HSD17B12: variants seen among roughly 807,000 people sequenced by gnomAD.
HSD17B12 encodes hydroxysteroid 17-beta dehydrogenase 12, also known as very-long-chain 3-oxoacyl-CoA reductase.
In HSD17B12, 32 loss-of-function variants were observed where a neutral mutation model predicts 39.3. That is an observed-to-expected ratio of 0.81 (90% CI 0.61 to 1.09). The LOEUF (loss-of-function observed/expected upper bound fraction) is 1.09, where lower values mean the gene tolerates loss of function less well. Ranked by LOEUF, HSD17B12 falls within the 50% of genes least tolerant of loss-of-function variation. The probability of loss-of-function intolerance (pLI) is 0.00; values close to 1 mark genes in which losing one functional copy is unlikely to be tolerated. For missense variants in HSD17B12, 342 were observed against 382.9 expected, an observed-to-expected ratio of 0.89 and a Z score of 0.89; for synonymous variants, 150 against 146.7, an observed-to-expected ratio of 1.02 and a Z score of -0.16.
At chr11:43,668,633 T>C in the HSD17B12 span, among the ~76,000 whole-genome samples, 2 of 152,084 alleles carry the variant, frequency 1.3e-5, no homozygotes, top group East Asian at 1.9e-4. Flanking sequence ...ATAAATACTG[T>C]AAGAGAGTGT....
intron 6 of HSD17B12, 122 bp from the exon 7 acceptor site, chr11:43,830,854 G>A: frequency 1.4e-6 from 1 of 730,432 alleles, no homozygotes; most frequent in Non-Finnish European, 2.3e-6. Flanking sequence ...ATAACCTGCT[G>A]TCTGTAGAAG....
chr11:43,600,332 T>A, the HSD17B12 span, among the ~76,000 whole-genome samples: 1 of 152,022 alleles, frequency 6.6e-6, no homozygotes, highest in Non-Finnish European at 1.5e-5. Context: ...TTTTTTTTCC[T>A]GAAACAGCCC....
chr11:43,588,085 C>A, the HSD17B12 span, among the ~76,000 whole-genome samples: 10 of 152,298 alleles, frequency 6.6e-5, no homozygotes, highest in East Asian at 1.7e-3. Context: ...TCTTTCTGAG[C>A]ATTTTTCTTC....
At chr11:43,632,525 T>A in the HSD17B12 span, among the ~76,000 whole-genome samples, 1 of 152,230 alleles carries the variant, frequency 6.6e-6, no homozygotes, top group Admixed American at 6.5e-5. Context: ...TTCCTACTTA[T>A]GTATTTGCCA....
chr11:43,716,842 C>A (rs1418867943), intron 1 of HSD17B12, among the ~76,000 whole-genome samples: 3 of 150,562 alleles, frequency 2.0e-5, no homozygotes, highest in African/African-American at 7.3e-5. Flanking sequence ...CAGGAGTTTC[C>A]CAGGTGAAGG....
intron 1 of HSD17B12, among the ~76,000 whole-genome samples, chr11:43,694,619 T>C (rs564868293): frequency 1.3e-4 from 19 of 151,836 alleles, no homozygotes; most frequent in Non-Finnish European, 2.1e-4. Flanking sequence ...GCCCCGGAGA[T>C]TGAGGGTGCA....
At chr11:43,698,149 CTTA>C (rs1949929323) in intron 1 of HSD17B12, among the ~76,000 whole-genome samples, 1 of 152,058 alleles carries the variant, frequency 6.6e-6, no homozygotes, top group African/African-American at 2.4e-5. Flanking sequence ...TTGTCATAAA[CTTA>C]TGATTGTGGG....
intron 8 of HSD17B12, among the ~76,000 whole-genome samples, 190 bp from the exon 9 acceptor site, chr11:43,839,809 A>T (rs956934497): frequency 3.9e-5 from 6 of 152,104 alleles, no homozygotes; most frequent in Non-Finnish European, 7.4e-5. Context: ...ATAATACTTC[A>T]TTTAGTGGCA....
Position 43,680,962 on chromosome 11 carries a change from C to A in HSD17B12, c.135C>A (p.Val45=). The change falls in exon 1 of 11, where the codon GTC becomes GTA. Residue 45 remains valine (V), a synonymous_variant. Transcript: ENST00000278353. The part of the protein sequence containing the change: ...RVWGVGNEAG[V]GPGLGEWAVV... ...GGGGAGTGGGGAATGAGGCGGGGGTCGGCCCGGGGCTCGGAGAATGGGCAG... is the reference window on the plus strand; with the variant it reads ...GGGGAGTGGGGAATGAGGCGGGGGTAGGCCCGGGGCTCGGAGAATGGGCAG... 6.2e-7 allele frequency: 1 copy of A among 1,606,592 alleles called. No individual in the cohort carries two copies. Among genetic ancestry groups the A allele is most frequent in the Non-Finnish European group, 8.5e-7 (1 of 1,175,116 alleles).
rs1565097543 is a variant in HSD17B12, at chr11:43,810,397, ATATAT to A, written c.392-5039_392-5035del. ...TATATATATATATATATATATATATATATATAAAATTCAGAATTATTCCGTGGATT... is the reference window on the plus strand; with the variant it reads ...TATATATATATATATATATATATATAAAAATTCAGAATTATTCCGTGGATT... On this transcript the variant is annotated intron_variant, in intron 4 of 10. Coordinates refer to ENST00000278353, the MANE Select transcript of HSD17B12 (RefSeq NM_016142.3). Among the ~76,000 whole-genome samples the A allele has an allele frequency of 5.2e-3, 416 of 80,488 alleles. 7 individuals are homozygous for A. The highest frequency in any genetic ancestry group is 0.021 in the African/African-American group (372 of 17,360). The allele number at this position is 80,488 out of a possible 152,430, so 52.8% of individuals were successfully genotyped here. A position where few individuals can be genotyped will look rare whatever the true frequency, so the allele number is the denominator to read the frequency against.
At chr11:43,798,100 T>G (rs1318575627) in intron 3 of HSD17B12, among the ~76,000 whole-genome samples, 1 of 152,230 alleles carries the variant, frequency 6.6e-6, no homozygotes, top group Non-Finnish European at 1.5e-5. Flanking sequence ...CAGCCAGCTC[T>G]CTGTGACGAC....
intron 4 of HSD17B12, among the ~76,000 whole-genome samples, chr11:43,804,081 TC>T (rs1950996340): frequency 1.3e-5 from 2 of 152,324 alleles, no homozygotes; most frequent in Non-Finnish European, 2.9e-5. Flanking sequence ...AATACTTTTT[TC>T]AAATTCTACT....
At chr11:43,762,619 A>G (rs1442638999) in intron 3 of HSD17B12, among the ~76,000 whole-genome samples, 6 of 152,224 alleles carry the variant, frequency 3.9e-5, no homozygotes. Flanking sequence ...TCAGAATGGA[A>G]TCCCCTAGTG....
At chr11:43,587,824 G>C in the HSD17B12 span, among the ~76,000 whole-genome samples, 5 of 152,130 alleles carry the variant, frequency 3.3e-5, no homozygotes, top group African/African-American at 1.2e-4. Flanking sequence ...CAGCAAAGAC[G>C]GATTTCCTCT....
chr11:43,655,214 A>G, the HSD17B12 span, among the ~76,000 whole-genome samples: 1 of 152,018 alleles, frequency 6.6e-6, no homozygotes, highest in Non-Finnish European at 1.5e-5. Flanking sequence ...TTTGTCTGTT[A>G]TTGGTGTATA....
chr11:43,645,240 C>G, the HSD17B12 span: 1 of 152,288 alleles, frequency 6.6e-6, no homozygotes, highest in African/African-American at 2.4e-5. Flanking sequence ...ATGGCAGTAC[C>G]TGTTTTGTCT....
chr11:43,765,844 CT>C (rs1213239093), intron 3 of HSD17B12, among the ~76,000 whole-genome samples: 1 of 152,046 alleles, frequency 6.6e-6, no homozygotes, highest in African/African-American at 2.4e-5. Context: ...TACACCTTTT[CT>C]TTTTTTGAGA....
At chr11:43,697,281 A>G (rs999718889) in intron 1 of HSD17B12, among the ~76,000 whole-genome samples, 4 of 152,184 alleles carry the variant, frequency 2.6e-5, no homozygotes, top group South Asian at 2.1e-4. Flanking sequence ...GGAGCCGGCT[A>G]TGGGGGCACT....
At chr11:43,798,485 C>T (rs1281672133) in intron 4 of HSD17B12, 58 bp downstream of exon 4, 1 of 1,115,564 alleles carries the variant, frequency 9.0e-7, no homozygotes, top group African/African-American at 1.6e-5. Context: ...GACTTTATGA[C>T]TTTGGATGTT....
Sources: gnomAD v4.1 joint callset for allele counts (sites outside exome capture counted in the v4.1 genomes callset) on GRCh38, gnomAD v4.1.1 for gene constraint, MANE v1.5 for transcripts, NCBI Gene and HGNC (gene_info 2026-07-23, HGNC 2026-07-21) for gene names.